Variants in EFHC2 observed in about 807,000 individuals in gnomAD.
EFHC2 encodes EF-hand domain containing 2, also known as EF-hand domain-containing family member C2.
Under a neutral mutation model 52.7 loss-of-function variants are expected in EFHC2, and 18 were observed. The observed-to-expected ratio is 0.34, with a 90% CI of 0.24 to 0.51. The LOEUF is 0.51. EFHC2 is among the 20% of genes least tolerant of loss of function. EFHC2 has a pLI of 0.97. For synonymous variants in EFHC2, 203 were observed against 204.1 expected (o/e 0.99, Z 0.04); for missense variants, 513 against 562.5 (o/e 0.91, Z 0.89).
intron 2 of EFHC2, among the ~76,000 whole-genome samples, chrX:44,306,936 G>A (rs1195670675): frequency 8.9e-6 from 1 of 112,223 alleles, no homozygotes; most frequent in African/African-American, 3.2e-5. Flanking sequence ...TGATGCACGA[G>A]GGGCTATGGA....
chrX:44,294,429 TCTC>T (rs775977972), intron 2 of EFHC2, among the ~76,000 whole-genome samples: 159 of 110,920 alleles, frequency 1.4e-3, no homozygotes, highest in African/African-American at 5.0e-3. Context: ...CCCTTTATGT[TCTC>T]CTCCAGTCCA....
At chrX:44,339,717 G>A (rs985894718) in intron 1 of EFHC2, among the ~76,000 whole-genome samples, 2 of 110,170 alleles carry the variant, frequency 1.8e-5, no homozygotes, top group East Asian at 5.7e-4. Context: ...ATCTACAGGA[G>A]GCCAAGGTTT....
intron 4 of EFHC2, among the ~76,000 whole-genome samples, chrX:44,251,514 T>A (rs1383245238): frequency 1.1e-5 from 1 of 92,340 alleles, no homozygotes; most frequent in African/African-American, 4.0e-5. Context: ...GGCAGGAGGA[T>A]CCCTTGAACC....
At position 44,160,650 on chromosome X, in the gene EFHC2, G is replaced by A. The variant is rs146770675; in HGVS notation, c.2148+3272C>T. ...AGAGCAGATTAATAGGGCCAGGCAC[G>A]GTGGCTCATGCCCGTACTCCCAGCA... On this transcript the variant is annotated intron_variant, in intron 14 of 14. Transcript: ENST00000420999. 9.6e-3 allele frequency among the ~76,000 whole-genome samples: 1,076 copies of A among 112,056 alleles called. 13 individuals carry two copies. Among genetic ancestry groups the A allele is most frequent in the African/African-American group, 0.033 (1,009 of 30,855 alleles).
intron 11 of EFHC2, among the ~76,000 whole-genome samples, chrX:44,225,153 T>C (rs908399837): frequency 9.2e-6 from 1 of 108,866 alleles, no homozygotes; most frequent in Admixed American, 9.8e-5. Context: ...TGATAGACCA[T>C]GCCAAAAAGA....
chrX:44,194,876 C>T (rs917342132), intron 11 of EFHC2, among the ~76,000 whole-genome samples: 4 of 111,148 alleles, frequency 3.6e-5, no homozygotes, highest in Non-Finnish European at 7.5e-5. Flanking sequence ...GCTCATTTGT[C>T]GCAATGGTAA....
At chrX:44,228,208 G>A (rs779533317) in intron 11 of EFHC2, among the ~76,000 whole-genome samples, 11 of 111,583 alleles carry the variant, frequency 9.9e-5, no homozygotes, top group South Asian at 3.8e-4. Flanking sequence ...CAATCACAGC[G>A]TAGTGGCCCT....
At chrX:44,243,498 GTTTTTGTTTT>G (rs1026226129) in intron 7 of EFHC2, among the ~76,000 whole-genome samples, 1 of 111,889 alleles carries the variant, frequency 8.9e-6, no homozygotes, top group African/African-American at 3.2e-5. Context: ...TGGTTGTTTG[GTTTTTGTTTT>G]GTTTTGTTTT....
intron 2 of EFHC2, among the ~76,000 whole-genome samples, chrX:44,294,249 CGTGTGTGTGTGTGTGT>C (rs200162737): frequency 0.13 from 11,744 of 87,344 alleles, 677 homozygotes; most frequent in Admixed American, 0.33. Flanking sequence ...GTATACTCAA[CGTGTGTGTGTGTGTGT>C]GTGTGTGTGT....
chrX:44,281,307 T>C (rs2037700418), intron 2 of EFHC2, among the ~76,000 whole-genome samples: 1 of 112,143 alleles, frequency 8.9e-6, no homozygotes, highest in Non-Finnish European at 1.9e-5. Flanking sequence ...GAAATCTAGC[T>C]CTCCCAGACT....
chrX:44,343,443 G>T, intron 1 of EFHC2, 104 bp downstream of exon 1: 1 of 1,041,130 alleles, frequency 9.6e-7, no homozygotes, highest in Non-Finnish European at 1.3e-6. Flanking sequence ...CAGGGCAGCA[G>T]CATGGGGCCT....
At chrX:44,220,518 A>C (rs1382488256) in intron 11 of EFHC2, among the ~76,000 whole-genome samples, 1 of 111,587 alleles carries the variant, frequency 9.0e-6, no homozygotes, top group Non-Finnish European at 1.9e-5. Flanking sequence ...CCTGACAACC[A>C]CAATGGATAC....
chrX:44,267,076 A>G (rs1041204415), intron 3 of EFHC2, among the ~76,000 whole-genome samples: 1 of 111,931 alleles, frequency 8.9e-6, no homozygotes, highest in African/African-American at 3.2e-5. Flanking sequence ...AACTGAGAAC[A>G]ACTGGTATAG....
intron 10 of EFHC2, among the ~76,000 whole-genome samples, chrX:44,230,812 G>A (rs1602165524): frequency 9.0e-6 from 1 of 111,392 alleles, no homozygotes; most frequent in African/African-American, 3.3e-5. Context: ...ATTTACAATA[G>A]CAACACTGAT....
chrX:44,277,258 CAA>C (rs753856788), intron 2 of EFHC2, among the ~76,000 whole-genome samples: 4 of 21,775 alleles, frequency 1.8e-4, no homozygotes, highest in Non-Finnish European at 9.3e-5. Context: ...GACTCCAGCT[CAA>C]AAAAAAAAAA....
chrX:44,183,663 T>C (rs748467798), intron 11 of EFHC2, among the ~76,000 whole-genome samples: 4 of 112,023 alleles, frequency 3.6e-5, no homozygotes, highest in South Asian at 7.5e-4. Context: ...AAGGCCACCA[T>C]AGATGGCCAC....
chrX:44,320,782 G>A (rs962592017), intron 1 of EFHC2, among the ~76,000 whole-genome samples: 1 of 109,939 alleles, frequency 9.1e-6, no homozygotes. Flanking sequence ...TGCAGTCACC[G>A]AGAGTCCCTT....
intron 11 of EFHC2, among the ~76,000 whole-genome samples, chrX:44,194,805 G>A (rs1569280916): frequency 1.8e-5 from 2 of 111,147 alleles, no homozygotes; most frequent in African/African-American, 6.6e-5. Context: ...TCTAGCAGGC[G>A]CTGGCACAAA....
chrX:44,223,061 G>C (rs2037205917), intron 11 of EFHC2, among the ~76,000 whole-genome samples: 1 of 111,657 alleles, frequency 9.0e-6, no homozygotes, highest in African/African-American at 3.3e-5. Context: ...TTCTATATTT[G>C]GGGAAATTCC....
Sources: gnomAD v4.1 joint callset for allele counts (sites outside exome capture counted in the v4.1 genomes callset) on GRCh38, gnomAD v4.1.1 for gene constraint, MANE v1.5 for transcripts, NCBI Gene and HGNC (gene_info 2026-07-23, HGNC 2026-07-21) for gene names.